Variants in ATXN1 observed in about 807,000 individuals in gnomAD.
ATXN1 encodes the protein ataxin 1.
A neutral mutation model predicts 56.4 loss-of-function variants in ATXN1; 8 were observed. The observed-to-expected ratio is 0.14, with a 90% CI of 0.08 to 0.26. ATXN1 has a LOEUF of 0.26. ATXN1 is among the 10% of genes least tolerant of loss of function. The pLI is 1.00. For synonymous variants in ATXN1, 514 were observed against 494.6 expected, an observed-to-expected ratio of 1.04 and a Z score of -0.52; for missense variants, 987 against 1,106.5, an observed-to-expected ratio of 0.89 and a Z score of 1.53.
At chr6:16,623,468 TGAA>T (rs1763354709) in intron 3 of ATXN1, among the ~76,000 whole-genome samples, 1 of 152,238 alleles carries the variant, frequency 6.6e-6, no homozygotes, top group African/African-American at 2.4e-5. Flanking sequence ...AATCCAGACT[TGAA>T]GAAATTTCCA....
chr6:16,392,476 G>A (rs1382950267), intron 6 of ATXN1, among the ~76,000 whole-genome samples: 2 of 151,624 alleles, frequency 1.3e-5, no homozygotes, highest in Non-Finnish European at 2.9e-5. Context: ...GCTTACTGAT[G>A]TGCAGACATT....
At chr6:16,424,605 T>C (rs1002267968) in intron 6 of ATXN1, among the ~76,000 whole-genome samples, 8 of 152,224 alleles carry the variant, frequency 5.3e-5, no homozygotes, top group African/African-American at 1.9e-4. Context: ...GAATTCTCCA[T>C]TGCTGTCTCT....
chr6:16,323,525 C>CAAAAAAAA (rs35308265), intron 7 of ATXN1, among the ~76,000 whole-genome samples: 2 of 48,828 alleles, frequency 4.1e-5, no homozygotes, highest in African/African-American at 8.3e-5. Context: ...ACTCTGTCTC[C>CAAAAAAAA]AAAAAAAAAA....
chr6:16,452,935 A>G (rs1435320117), intron 6 of ATXN1, among the ~76,000 whole-genome samples: 1 of 152,192 alleles, frequency 6.6e-6, no homozygotes. Flanking sequence ...AGATTTTTTA[A>G]AAGGTTTAGG....
intron 3 of ATXN1, among the ~76,000 whole-genome samples, chr6:16,616,375 A>C (rs1763208842): frequency 6.6e-6 from 1 of 151,402 alleles, no homozygotes; most frequent in African/African-American, 2.4e-5. Context: ...CCCTGTCTCT[A>C]CTAAAAATAC....
intron 3 of ATXN1, among the ~76,000 whole-genome samples, chr6:16,635,147 T>G (rs1431170882): frequency 6.6e-6 from 1 of 152,106 alleles, no homozygotes; most frequent in African/African-American, 2.4e-5. Flanking sequence ...GTGAACCCTA[T>G]TGTGAACTGC....
At chr6:16,533,153 T>G (rs1672473968) in intron 4 of ATXN1, among the ~76,000 whole-genome samples, 1 of 152,170 alleles carries the variant, frequency 6.6e-6, no homozygotes, top group African/African-American at 2.4e-5. Flanking sequence ...CAATATAATG[T>G]GAATGTACTT....
intron 6 of ATXN1, among the ~76,000 whole-genome samples, chr6:16,476,609 A>G (rs1245889072): frequency 6.6e-6 from 1 of 152,200 alleles, no homozygotes; most frequent in Non-Finnish European, 1.5e-5. Context: ...GGAATATACA[A>G]TGTCTTCTAT....
Position 16,327,699 on chromosome 6 carries a change from C to A in ATXN1, c.612G>T (p.Gln204His), listed in dbSNP as rs200468848. 208 of 1,595,954 alleles carry A rather than the reference C, an allele frequency of 1.3e-4. No homozygotes were observed. The highest frequency in any genetic ancestry group is 5.6e-4 in the East Asian group (25 of 44,332). ...KAEQQQQQQQ[Q>H]QQQQHQHQQQ... Reference sequence around the variant, plus strand: ...GCTGATGCTGATGCTGCTGCTGCTGCTGCTGCTGCTGCTGCTGCTGCTGCT... The same window carrying A: ...GCTGATGCTGATGCTGCTGCTGCTGATGCTGCTGCTGCTGCTGCTGCTGCT... The change falls in exon 7 of 8, where the codon CAG becomes CAT. Residue 204 changes from glutamine to histidine, a missense_variant. Transcript: ENST00000436367.
intron 6 of ATXN1, among the ~76,000 whole-genome samples, chr6:16,394,967 TCAACATAGCCAATGTTA>T (rs1758422625): frequency 6.6e-6 from 1 of 152,216 alleles, no homozygotes; most frequent in Non-Finnish European, 1.5e-5. Context: ...AGCCAAGCGT[TCAACATAGCCAATGTTA>T]AAAATTAACT....
intron 7 of ATXN1, among the ~76,000 whole-genome samples, chr6:16,308,162 C>A (rs1201653459): frequency 6.6e-6 from 1 of 152,050 alleles, no homozygotes; most frequent in Non-Finnish European, 1.5e-5. Flanking sequence ...CCTGTCCCTA[C>A]TAAAAATACA....
intron 6 of ATXN1, among the ~76,000 whole-genome samples, chr6:16,414,326 T>C (rs1257410558): frequency 6.6e-6 from 1 of 152,226 alleles, no homozygotes. Context: ...GAGGTCGTAA[T>C]GCTTATCGGT....
At chr6:16,537,378 A>G (rs1352533123) in intron 4 of ATXN1, among the ~76,000 whole-genome samples, 4 of 151,922 alleles carry the variant, frequency 2.6e-5, no homozygotes, top group Non-Finnish European at 4.4e-5. Context: ...ACCCTCCGAG[A>G]AGGACTCTAG....
chr6:16,481,569 G>A (rs1760439431), intron 6 of ATXN1, among the ~76,000 whole-genome samples: 1 of 152,044 alleles, frequency 6.6e-6, no homozygotes, highest in African/African-American at 2.4e-5. Context: ...TCTGAAAAGG[G>A]AGTCCATAGA....
intron 2 of ATXN1, among the ~76,000 whole-genome samples, chr6:16,727,581 A>G (rs139431810): frequency 6.6e-6 from 1 of 152,286 alleles, no homozygotes; most frequent in African/African-American, 2.4e-5. Context: ...TTATATAATA[A>G]TGTAATACAA....
chr6:16,606,891 T>TGTGTGTGTGTGTGTGTGTGTG (rs1324613113), intron 3 of ATXN1, among the ~76,000 whole-genome samples: 7 of 17,842 alleles, frequency 3.9e-4, no homozygotes, highest in East Asian at 0.021. Flanking sequence ...GTGTGTGTTG[T>TGTGTGTGTGTGTGTGTGTGTG]TTGTTTGTTT....
At chr6:16,680,788 C>T (rs1290884210) in intron 2 of ATXN1, among the ~76,000 whole-genome samples, 2 of 152,098 alleles carry the variant, frequency 1.3e-5, no homozygotes, top group South Asian at 2.1e-4. Context: ...GCCAAAAGAT[C>T]GAAAGATTCT....
chr6:16,473,891 G>T (rs1220864508), intron 6 of ATXN1, among the ~76,000 whole-genome samples: 1 of 152,128 alleles, frequency 6.6e-6, no homozygotes, highest in Non-Finnish European at 1.5e-5. Flanking sequence ...CATCTCTTTG[G>T]AAACTTCCTG....
chr6:16,536,452 A>C (rs756561563), intron 4 of ATXN1, among the ~76,000 whole-genome samples: 1 of 152,198 alleles, frequency 6.6e-6, no homozygotes, highest in Non-Finnish European at 1.5e-5. Flanking sequence ...TTCACTGTAC[A>C]ATTCTTACAA....
Sources: gnomAD v4.1 joint callset for allele counts (sites outside exome capture counted in the v4.1 genomes callset) on GRCh38, gnomAD v4.1.1 for gene constraint, MANE v1.5 for transcripts, NCBI Gene and HGNC (gene_info 2026-07-23, HGNC 2026-07-21) for gene names.